The following PRKN variants were observed in gnomAD, a reference collection of about 807,000 sequenced individuals.
PRKN encodes the protein parkin RBR E3 ubiquitin protein ligase, also known as E3 ubiquitin-protein ligase parkin.
PRKN carries 56 observed loss-of-function variants against 59.5 expected under a neutral mutation model. The observed-to-expected ratio is 0.94, with a 90% CI of 0.76 to 1.18. The LOEUF (loss-of-function observed/expected upper bound fraction) is 1.18, where lower values mean the gene tolerates loss of function less well. PRKN is among the 50% of genes most tolerant of loss of function. The pLI is 0.00. For synonymous variants in PRKN, 250 were observed against 222.1 expected, an observed-to-expected ratio of 1.13 and a Z score of -1.12; for missense variants, 657 against 596.4, an observed-to-expected ratio of 1.10 and a Z score of -1.06.
chr6:161,811,608 T>G (rs1791563822), intron 6 of PRKN, among the ~76,000 whole-genome samples: 1 of 152,154 alleles, frequency 6.6e-6, no homozygotes, highest in Non-Finnish European at 1.5e-5. Context: ...AGGATCTAAA[T>G]GAAAGAGCTA....
intron 7 of PRKN, among the ~76,000 whole-genome samples, chr6:161,669,726 G>C (rs1274241193): frequency 6.6e-6 from 1 of 152,314 alleles, no homozygotes; most frequent in East Asian, 1.9e-4. Context: ...CTGCAGTGTT[G>C]GTAACAACAG....
At chr6:162,556,496 C>T (rs1001640288) in intron 1 of PRKN, among the ~76,000 whole-genome samples, 1 of 151,516 alleles carries the variant, frequency 6.6e-6, no homozygotes. Flanking sequence ...CACCTGTAAT[C>T]CCAGCACTTT....
At position 161,414,815 on chromosome 6, in the gene PRKN, G is replaced by A. The variant is rs923665722; in HGVS notation, c.1084-27938C>T. Among the ~76,000 whole-genome samples the A allele has an allele frequency of 6.6e-6, 1 of 152,200 alleles. No individual in the cohort carries two copies. Among genetic ancestry groups the A allele is most frequent in the African/African-American group, 2.4e-5 (1 of 41,434 alleles). The stretch of plus-strand genomic sequence containing the variant: ...CTGAACAGCACCGGGAGGGTCTGTA[G>A]TTGCCAGACTCTATTATTGTGGGCT... On this transcript the variant is annotated intron_variant, in intron 9 of 11. Transcript: ENST00000366898. This position sits in a 1 kb window ranked among gnomAD's most constrained non-coding sequence, Gnocchi z 5.3.
rs1454100211 is a variant in PRKN, at chr6:162,516,765, AAAAAAAAAAAAAGAAAGAAAAG to A, written c.8-73314_8-73293del. Among the ~76,000 whole-genome samples the A allele has an allele frequency of 3.4e-3, 3 of 878 alleles. No homozygotes were observed. In the African/African-American group the frequency reaches 0.048, roughly 14 times the overall value. 0.6% of individuals were successfully genotyped at this position (878 alleles called of 152,430 possible). A position where few individuals can be genotyped will look rare whatever the true frequency, so the allele number is the denominator to read the frequency against. On this transcript the variant is annotated intron_variant, in intron 1 of 11. Coordinates refer to ENST00000366898, the MANE Select transcript of PRKN (RefSeq NM_004562.3). ...GCAACAGAGCGAGACTCTACCATGA[AAAAAAAAAAAAAGAAAGAAAAG>A]AAAAGAAAAAAGAAACATTTCTTAT...
intron 6 of PRKN, among the ~76,000 whole-genome samples, chr6:161,835,459 T>C (rs1024287254): frequency 6.6e-6 from 1 of 152,222 alleles, no homozygotes; most frequent in South Asian, 2.1e-4. Flanking sequence ...GGGAGTTACA[T>C]CTGATGTTAC....
chr6:162,150,307 C>T (rs908542490), intron 4 of PRKN, among the ~76,000 whole-genome samples: 1 of 152,144 alleles, frequency 6.6e-6, no homozygotes, highest in Admixed American at 6.5e-5. Flanking sequence ...CAAAATGTTT[C>T]TGATGTGAAT....
At chr6:161,730,933 T>A (rs1030639975) in intron 7 of PRKN, among the ~76,000 whole-genome samples, 1 of 152,230 alleles carries the variant, frequency 6.6e-6, no homozygotes, top group Non-Finnish European at 1.5e-5. Context: ...TCTGACGTGT[T>A]GCATTCTTTC....
chr6:162,319,613 T>C (rs1166850606), intron 2 of PRKN, among the ~76,000 whole-genome samples: 1 of 151,986 alleles, frequency 6.6e-6, no homozygotes, highest in African/African-American at 2.4e-5. Flanking sequence ...CTCATTAAAT[T>C]GTCCTAACAA....
In PRKN at chr6:161,935,248, G is replaced by A. The variant is rs78548992; in HGVS notation, c.734+38054C>T. ...TGTGTCTGAGTAGGATCCAGTTTGA[G>A]GCACTAAAGAGGATAAGATGGTCAG... is the stretch of plus-strand genomic sequence containing the variant. On this transcript the variant is annotated intron_variant, in intron 6 of 11. Transcript: ENST00000366898. Among the ~76,000 whole-genome samples the A allele has an allele frequency of 9.0e-3, 1,371 of 152,044 alleles. 18 individuals carry two copies. The highest frequency in any genetic ancestry group is 0.031 in the African/African-American group (1,305 of 41,476).
intron 9 of PRKN, among the ~76,000 whole-genome samples, chr6:161,500,019 T>C (rs758182936): frequency 6.6e-6 from 1 of 152,120 alleles, no homozygotes; most frequent in African/African-American, 2.4e-5. Context: ...CCAAAAGTCC[T>C]TCGGCCATGT....
intron 2 of PRKN, among the ~76,000 whole-genome samples, chr6:162,371,521 T>C (rs1434780663): frequency 1.3e-5 from 2 of 152,306 alleles, no homozygotes; most frequent in Non-Finnish European, 2.9e-5. Flanking sequence ...ATTTCATTTC[T>C]CTGGACTCAG....
chr6:161,497,137 G>C lies in PRKN; in HGVS notation c.1083+51717C>G, dbSNP rs534967798. Among the ~76,000 whole-genome samples, 127 of 152,348 alleles carry C rather than the reference G, an allele frequency of 8.3e-4. No individual in the cohort carries two copies. Among genetic ancestry groups the C allele is most frequent in the African/African-American group, 3.0e-3 (123 of 41,588 alleles). The stretch of plus-strand genomic sequence containing the variant: ...TTCCCAGGGGTCAGCCCACAGGCCA[G>C]GGCCAGGCGGCATTGCTGGCTAGTG... On this transcript the variant is annotated intron_variant, in intron 9 of 11. Coordinates refer to ENST00000366898, the MANE Select transcript of PRKN (RefSeq NM_004562.3). The surrounding 1 kb of genome is among the most constrained non-coding windows in gnomAD (Gnocchi z 4.6).
chr6:162,446,797 C>A (rs1169707085), intron 1 of PRKN, among the ~76,000 whole-genome samples: 1 of 152,052 alleles, frequency 6.6e-6, no homozygotes. Flanking sequence ...CTTTTTCTGA[C>A]ATATGTGGGA....
intron 3 of PRKN, among the ~76,000 whole-genome samples, chr6:162,255,943 C>A (rs1010620300): frequency 2.6e-5 from 4 of 152,166 alleles, no homozygotes; most frequent in Non-Finnish European, 5.9e-5. Context: ...CACAACCCCA[C>A]TGATGCACTG....
intron 1 of PRKN, among the ~76,000 whole-genome samples, chr6:162,603,007 C>A (rs73595961): frequency 0.022 from 3,281 of 152,192 alleles, 123 homozygotes; most frequent in African/African-American, 0.074. Context: ...GGTCCAACTC[C>A]CAAACCCCAG....
intron 9 of PRKN, among the ~76,000 whole-genome samples, chr6:161,507,291 T>A (rs1330509927): frequency 6.6e-6 from 1 of 152,148 alleles, no homozygotes; most frequent in East Asian, 1.9e-4. Flanking sequence ...TGACTTTTTG[T>A]CTAAGTATCT....
intron 4 of PRKN, among the ~76,000 whole-genome samples, chr6:162,192,852 C>T (rs1018079946): frequency 2.0e-5 from 3 of 152,084 alleles, no homozygotes; most frequent in Non-Finnish European, 4.4e-5. Context: ...AAAACAAAAA[C>T]ACTGAGACAC....
chr6:161,809,375 A>T (rs1398486763), intron 6 of PRKN, among the ~76,000 whole-genome samples: 2 of 152,218 alleles, frequency 1.3e-5, no homozygotes, highest in Non-Finnish European at 2.9e-5. Context: ...TTATGGTGAC[A>T]ATGAATCTGA....
At chr6:162,011,035 AATATATAT>A (rs1562457797) in intron 5 of PRKN, among the ~76,000 whole-genome samples, 124 of 7,018 alleles carry the variant, frequency 0.018, 2 homozygotes, top group African/African-American at 0.1. Context: ...ATATAATTAT[AATATATAT>A]TTATAATATA....
Sources: gnomAD v4.1 joint callset for allele counts (sites outside exome capture counted in the v4.1 genomes callset) on GRCh38, gnomAD v4.1.1 for gene constraint, Gnocchi (gnomAD v3.1) non-coding constraint, MANE v1.5 for transcripts, NCBI Gene and HGNC (gene_info 2026-07-23, HGNC 2026-07-21) for gene names.